The following FGD4 variants were observed in gnomAD, a reference collection of about 807,000 sequenced individuals.
The protein encoded by FGD4 is FYVE, RhoGEF and PH domain-containing protein 4.
A neutral mutation model predicts 102.0 loss-of-function variants in FGD4; 42 were observed. The ratio of observed to expected loss-of-function variants is 0.41; its 90% CI spans 0.32 to 0.53. The LOEUF is 0.53. Among genes scored for constraint, FGD4 ranks in the 20% least tolerant of loss-of-function variants. FGD4 has a pLI of 0.21. For synonymous variants in FGD4, 380 were observed against 375.7 expected (o/e 1.01, Z -0.13); for missense variants, 902 against 1,078.2 (o/e 0.84, Z 2.29).
At chr12:32,524,671 A>G (rs10844228) in intron 1 of FGD4, among the ~76,000 whole-genome samples, 37,545 of 151,998 alleles carry the variant, frequency 0.25, 5,387 homozygotes, top group Middle Eastern at 0.44. Context: ...CAAAAAAATG[A>G]AAAATTATCT....
At chr12:32,598,679 A>G in intron 5 of FGD4, 93 bp downstream of exon 5, 1 of 1,088,330 alleles carries the variant, frequency 9.2e-7, no homozygotes, top group Non-Finnish European at 1.4e-6. Flanking sequence ...GCATGAAGGA[A>G]GGGCCTGTTT....
intron 1 of FGD4, chr12:32,486,000 G>T: frequency 7.2e-7 from 1 of 1,386,882 alleles, no homozygotes; most frequent in South Asian, 1.7e-5. Flanking sequence ...TTGAACACTA[G>T]ATGTGTATGT....
At chr12:32,622,107 T>G (rs1197221758) in intron 11 of FGD4, among the ~76,000 whole-genome samples, 1 of 152,156 alleles carries the variant, frequency 6.6e-6, no homozygotes, top group Non-Finnish European at 1.5e-5. Context: ...AGGCTAGTCT[T>G]GAACTGACCT....
chr12:32,583,907 C>T (rs1254059367), intron 4 of FGD4, among the ~76,000 whole-genome samples: 1 of 152,218 alleles, frequency 6.6e-6, no homozygotes, highest in Non-Finnish European at 1.5e-5. Flanking sequence ...TCTTTTGCCA[C>T]TGTTGGGATG....
intron 1 of FGD4, among the ~76,000 whole-genome samples, chr12:32,510,193 T>C (rs796586721): frequency 7.7e-4 from 118 of 152,356 alleles, no homozygotes; most frequent in African/African-American, 2.7e-3. Flanking sequence ...ATCAGGTGTT[T>C]TAGTGGGAAT....
At chr12:32,463,280 G>A (rs900998132) in intron 1 of FGD4, among the ~76,000 whole-genome samples, 2 of 152,158 alleles carry the variant, frequency 1.3e-5, no homozygotes, top group African/African-American at 4.8e-5. Context: ...AGTCACATGC[G>A]ACTAGTAGAA....
At chr12:32,578,029 C>A (rs1946270670) in intron 3 of FGD4, among the ~76,000 whole-genome samples, 2 of 152,160 alleles carry the variant, frequency 1.3e-5, no homozygotes, top group African/African-American at 4.8e-5. Flanking sequence ...ACTGTTTGTA[C>A]TTTTTCCACT....
chr12:32,408,009 T>TTTAG (rs1041748282), intron 1 of FGD4, among the ~76,000 whole-genome samples: 15 of 143,300 alleles, frequency 1.0e-4, no homozygotes, highest in African/African-American at 2.7e-4. Context: ...TATTTATTTA[T>TTTAG]TTAGTTTTGA....
intron 9 of FGD4, 80 bp from the exon 10 acceptor site, chr12:32,611,057 T>A: frequency 6.5e-7 from 1 of 1,542,268 alleles, no homozygotes; most frequent in South Asian, 1.1e-5. Context: ...TAAATTTAGA[T>A]TTTAGTTAAG....
chr12:32,570,233 G>A (rs1235753084), intron 2 of FGD4, among the ~76,000 whole-genome samples: 3 of 111,806 alleles, frequency 2.7e-5, no homozygotes, highest in African/African-American at 3.7e-5. Flanking sequence ...GGGGCAAGAC[G>A]CTGTCTCAAA....
At position 32,502,347 on chromosome 12, in the gene FGD4, C is replaced by T. The variant is rs531501340; in HGVS notation, c.167-61790C>T. 752 of 985,296 alleles carry T rather than the reference C, an allele frequency of 7.6e-4. 4 individuals are homozygous for T. Among genetic ancestry groups the T allele is most frequent in the Non-Finnish European group, 8.7e-4 (723 of 829,862 alleles). 61.0% of individuals were successfully genotyped at this position (985,296 alleles called of 1,614,324 possible). On this transcript the variant is annotated intron_variant, in intron 1 of 16. Transcript: ENST00000534526. ...AATTCAGCTTTTATAAGGTAAGTAA[C>T]CCTAGTAATATGTATCCAGTTTGTA... is the stretch of plus-strand genomic sequence containing the variant.
chr12:32,453,189 T>A (rs1349001554), intron 1 of FGD4, among the ~76,000 whole-genome samples: 54 of 94,392 alleles, frequency 5.7e-4, no homozygotes, highest in East Asian at 2.0e-3. Context: ...TATATATATT[T>A]TATATATATA....
rs188461528 is a variant in FGD4 at position 32,444,632 on chromosome 12, T to C, written c.166+44673T>C. On this transcript the variant is annotated intron_variant, in intron 1 of 16. Coordinates refer to ENST00000534526, the MANE Select transcript of FGD4 (RefSeq NM_001370298.3). ...GTTGGCCAGGCTAGTCTCGAACTCC[T>C]GACCTCAGGTGACCCACCCGCCCCG... 1.9e-3 allele frequency among the ~76,000 whole-genome samples: 295 copies of C among 152,288 alleles called. 1 individual carries two copies. Among genetic ancestry groups the C allele is most frequent in the African/African-American group, 7.0e-3 (291 of 41,562 alleles).
rs1267043755 is a variant in FGD4, at chr12:32,561,070, G to GTTTTTTTTTTTTTTTTTT, written c.167-3063_167-3062insTTTTTTTTTTTTTTTTTT. ...AGCAGAAATGTGGTTTCTTTGTTGG[G>GTTTTTTTTTTTTTTTTTT]TTTTGTTTTTTTTTTTTTTTTTTTT... On this transcript the variant is annotated intron_variant, in intron 1 of 16. Coordinates refer to ENST00000534526, the MANE Select transcript of FGD4 (RefSeq NM_001370298.3). 2.8e-4 allele frequency among the ~76,000 whole-genome samples: 25 copies of GTTTTTTTTTTTTTTTTTT among 90,810 alleles called. 4 individuals carry two copies. The highest frequency in any genetic ancestry group is 4.3e-4 in the Non-Finnish European group (20 of 46,056). 59.6% of individuals were successfully genotyped at this position (90,810 alleles called of 152,430 possible).
Position 32,620,849 on chromosome 12 carries a change from G to T in FGD4, c.1922+979G>T, listed in dbSNP as rs1019707010. 5.9e-5 allele frequency among the ~76,000 whole-genome samples: 9 copies of T among 151,360 alleles called. No individual in the cohort carries two copies. The South Asian group carries it at 1.9e-3, about 32-fold the overall frequency. On this transcript the variant is annotated intron_variant, in intron 11 of 16. Transcript: ENST00000534526. ...AGCTAATTTTTGTATTTTTAATAGA[G>T]ACAGGGTTTCACCATGTTGACCAGG... is the stretch of plus-strand genomic sequence containing the variant.
intron 1 of FGD4, among the ~76,000 whole-genome samples, chr12:32,436,757 G>T (rs1942244538): frequency 6.6e-6 from 1 of 152,020 alleles, no homozygotes; most frequent in South Asian, 2.1e-4. Context: ...TGGTGTGTTG[G>T]AAATTCATGT....
At chr12:32,579,331 A>C (rs537784458) in intron 3 of FGD4, among the ~76,000 whole-genome samples, 2 of 152,170 alleles carry the variant, frequency 1.3e-5, no homozygotes, top group Admixed American at 1.3e-4. Flanking sequence ...GGCGTGAGCT[A>C]CCGTGCCCGG....
intron 1 of FGD4, among the ~76,000 whole-genome samples, chr12:32,500,376 A>G (rs1938104544): frequency 6.7e-6 from 1 of 148,774 alleles, no homozygotes; most frequent in African/African-American, 2.5e-5. Flanking sequence ...AGTCTTTCTG[A>G]CCTTATTTTA....
chr12:32,409,076 T>C (rs1016852167), intron 1 of FGD4, among the ~76,000 whole-genome samples: 1 of 152,176 alleles, frequency 6.6e-6, no homozygotes, highest in African/African-American at 2.4e-5. Flanking sequence ...TTCTCCTGAC[T>C]TTCCTTGGCA....
Sources: allele counts gnomAD v4.1 joint callset (sites outside exome capture counted in the v4.1 genomes callset), GRCh38; gene constraint gnomAD v4.1.1; transcripts MANE v1.5; gene names NCBI Gene and HGNC (gene_info 2026-07-23, HGNC 2026-07-21).